Variants in SRD5A2 observed in about 807,000 individuals in gnomAD.
SRD5A2 encodes 3-oxo-5-alpha-steroid 4-dehydrogenase 2.
Under a neutral mutation model 27.4 loss-of-function variants are expected in SRD5A2, and 30 were observed. That is an observed-to-expected ratio of 1.10 (90% CI 0.82 to 1.49). The LOEUF is 1.49. Among genes scored for constraint, SRD5A2 ranks in the 40% most tolerant of loss-of-function variants. The pLI is 0.00. For synonymous variants in SRD5A2, 141 were observed against 133.6 expected (o/e 1.06, Z -0.38); for missense variants, 348 against 323.4 (o/e 1.08, Z -0.58).
the SRD5A2 span, among the ~76,000 whole-genome samples, chr2:31,615,627 A>AT: frequency 6.6e-6 from 1 of 152,178 alleles, no homozygotes; most frequent in African/African-American, 2.4e-5. Flanking sequence ...ATTTTGGAAA[A>AT]TTTCCAGCCT....
the SRD5A2 span, among the ~76,000 whole-genome samples, chr2:31,601,510 C>A: frequency 1.8e-4 from 28 of 152,196 alleles, no homozygotes; most frequent in Middle Eastern, 3.4e-3. Context: ...GGTACCATTT[C>A]TACTGAAATT....
Position 31,525,404 on chromosome 2 carries a change from T to C in SRD5A2, c.*792A>G, listed in dbSNP as rs1022515980. ...TATTGTAAAACTGTTCTCTATCCTC[T>C]TAGTAGCCATCCAGGGTCATGTTGT... On this transcript the variant is annotated 3_prime_UTR_variant, in exon 5 of 5. Coordinates refer to ENST00000622030, the MANE Select transcript of SRD5A2 (RefSeq NM_000348.4). 1.3e-5 allele frequency: 3 copies of C among 226,914 alleles called. No homozygotes were observed. Among genetic ancestry groups the C allele is most frequent in the Non-Finnish European group, 2.6e-5 (3 of 114,126 alleles). 14.1% of individuals were successfully genotyped at this position (226,914 alleles called of 1,614,324 possible). A position where few individuals can be genotyped will look rare whatever the true frequency, so the allele number is the denominator to read the frequency against.
At chr2:31,644,032 A>AG in the SRD5A2 span, among the ~76,000 whole-genome samples, 1 of 152,238 alleles carries the variant, frequency 6.6e-6, no homozygotes, top group East Asian at 1.9e-4. Flanking sequence ...AGGGGAAGAT[A>AG]GTAACTTCAC....
chr2:31,549,949 T>C (rs577627633), intron 1 of SRD5A2, among the ~76,000 whole-genome samples: 4 of 152,186 alleles, frequency 2.6e-5, no homozygotes. Context: ...CACATTCTTT[T>C]CAAGTGGCCA....
the SRD5A2 span, among the ~76,000 whole-genome samples, chr2:31,635,088 A>T: frequency 1.3e-5 from 2 of 152,142 alleles, no homozygotes; most frequent in South Asian, 2.1e-4. Flanking sequence ...CTCTAATTTT[A>T]GTTTTTTAAG....
the SRD5A2 span, among the ~76,000 whole-genome samples, chr2:31,618,311 G>A: frequency 6.6e-6 from 1 of 152,026 alleles, no homozygotes; most frequent in Non-Finnish European, 1.5e-5. Flanking sequence ...GATTTGGGTG[G>A]GAACACAGCC....
At position 31,524,707 on chromosome 2, in the gene SRD5A2, G is replaced by T. The variant is rs1437294043; in HGVS notation, c.*1489C>A. The T allele has an allele frequency of 1.7e-5, 4 of 230,960 alleles. No homozygotes were observed. Among genetic ancestry groups the T allele is most frequent in the Non-Finnish European group, 3.4e-5 (4 of 116,670 alleles). The allele number at this position is 230,960 out of a possible 1,614,324, so 14.3% of individuals were successfully genotyped here. On this transcript the variant is annotated 3_prime_UTR_variant, in exon 5 of 5. Coordinates refer to ENST00000622030, the MANE Select transcript of SRD5A2 (RefSeq NM_000348.4). ...GTTTCCTATGTGACTTATATAGTGA[G>T]TTTCTGTGCTTAGTACCACTGGTGC...
At chr2:31,548,355 A>G (rs1368985051) in intron 1 of SRD5A2, among the ~76,000 whole-genome samples, 1 of 152,154 alleles carries the variant, frequency 6.6e-6, no homozygotes, top group Non-Finnish European at 1.5e-5. Context: ...CTGACAAGAG[A>G]TTGACATCCA....
chr2:31,620,843 A>T, the SRD5A2 span, among the ~76,000 whole-genome samples: 1 of 148,088 alleles, frequency 6.8e-6, no homozygotes, highest in Non-Finnish European at 1.5e-5. Context: ...ATAAAACTGC[A>T]TGTGAATCCA....
At chr2:31,551,543 A>G (rs1666380559) in intron 1 of SRD5A2, among the ~76,000 whole-genome samples, 1 of 152,214 alleles carries the variant, frequency 6.6e-6, no homozygotes, top group South Asian at 2.1e-4. Flanking sequence ...AGCCTATTTT[A>G]TAATAAAGTG....
chr2:31,563,725 C>T (rs1295782610), intron 1 of SRD5A2, among the ~76,000 whole-genome samples: 7 of 152,106 alleles, frequency 4.6e-5, no homozygotes, highest in South Asian at 2.1e-4. Context: ...AGGAAAGAAT[C>T]ACCCAAAAGA....
chr2:31,658,076 T>C, the SRD5A2 span, among the ~76,000 whole-genome samples: 132 of 152,138 alleles, frequency 8.7e-4, no homozygotes, highest in Non-Finnish European at 1.6e-3. Context: ...GTAGAAGAAT[T>C]TGGGAAGATA....
chr2:31,590,052 G>A, the SRD5A2 span, among the ~76,000 whole-genome samples: 1 of 152,188 alleles, frequency 6.6e-6, no homozygotes, highest in African/African-American at 2.4e-5. Flanking sequence ...ATCCCCCTAG[G>A]AACATAACAC....
intron 1 of SRD5A2, among the ~76,000 whole-genome samples, chr2:31,572,591 A>G (rs1666874438): frequency 6.6e-6 from 1 of 152,244 alleles, no homozygotes; most frequent in Non-Finnish European, 1.5e-5. Context: ...ACTCAATAAT[A>G]AGAAAACAAA....
the SRD5A2 span, among the ~76,000 whole-genome samples, chr2:31,619,903 G>A: frequency 6.6e-6 from 1 of 152,036 alleles, no homozygotes; most frequent in Non-Finnish European, 1.5e-5. Flanking sequence ...TGTTTATTCT[G>A]TTGAGAGTTT....
intron 1 of SRD5A2, among the ~76,000 whole-genome samples, 191 bp downstream of exon 1, chr2:31,580,429 T>C (rs1353577993): frequency 1.3e-5 from 2 of 152,086 alleles, no homozygotes; most frequent in African/African-American, 4.8e-5. Context: ...CGCAGCCGCT[T>C]GTCAACTCTC....
At chr2:31,593,662 G>C in the SRD5A2 span, among the ~76,000 whole-genome samples, 2 of 152,160 alleles carry the variant, frequency 1.3e-5, no homozygotes, top group Non-Finnish European at 2.9e-5. Flanking sequence ...AATCTTCCTA[G>C]AGATCTAGAC....
the SRD5A2 span, among the ~76,000 whole-genome samples, chr2:31,656,305 C>G: frequency 6.6e-6 from 1 of 152,160 alleles, no homozygotes; most frequent in African/African-American, 2.4e-5. Context: ...ATCACATTCC[C>G]ATGGTTTCCT....
the SRD5A2 span, among the ~76,000 whole-genome samples, chr2:31,657,632 T>G: frequency 6.6e-6 from 1 of 152,076 alleles, no homozygotes; most frequent in Non-Finnish European, 1.5e-5. Context: ...ACTAATCATA[T>G]TATGACATGT....
Sources: allele counts gnomAD v4.1 joint callset (sites outside exome capture counted in the v4.1 genomes callset), GRCh38; gene constraint gnomAD v4.1.1; transcripts MANE v1.5; gene names NCBI Gene and HGNC (gene_info 2026-07-23, HGNC 2026-07-21).